Variants in CABIN1 observed in about 807,000 individuals in gnomAD.
The protein encoded by CABIN1 is calcineurin binding protein 1, also known as calcineurin-binding protein cabin-1.
In CABIN1, 133 loss-of-function variants were observed where a neutral mutation model predicts 227.7. The observed-to-expected ratio is 0.58, with a 90% CI of 0.51 to 0.67. The LOEUF is 0.67. CABIN1 is among the 30% of genes least tolerant of loss of function. The pLI is 0.00. For synonymous variants in CABIN1, 1,086 were observed against 1,155.1 expected, an observed-to-expected ratio of 0.94 and a Z score of 1.21; for missense variants, 2,408 against 2,852.5, an observed-to-expected ratio of 0.84 and a Z score of 3.55.
chr22:24,166,615 T>G (rs372329237), intron 31 of CABIN1, 24 bp from the exon 32 acceptor site: 2 of 1,612,532 alleles, frequency 1.2e-6, no homozygotes, highest in African/African-American at 2.7e-5. Context: ...GCGACACAGC[T>G]TCTTACCTTT....
chr22:24,119,677 C>T lies in CABIN1; in HGVS notation c.4611C>T (p.Tyr1537=), dbSNP rs1034327711. The T allele has an allele frequency of 3.7e-6, 6 of 1,613,882 alleles. No individual in the cohort carries two copies. The African/African-American group carries it at 4.0e-5, about 11-fold the overall frequency. Residue 1537 remains tyrosine (Y), a synonymous_variant, in exon 28 of 37, where the codon TAC becomes TAT. Coordinates refer to ENST00000263119, the MANE Select transcript of CABIN1 (RefSeq NM_012295.4). ...GTCTCTACCGTCTGGCCTTCCTCTA[C>T]ACCTACAGCAAGACCCACCGGGTGA... ...YKSLYRLAFL[Y]TYSKTHRNLQ...
intron 24 of CABIN1, chr22:24,092,046 A>T: frequency 1.5e-6 from 1 of 655,422 alleles, no homozygotes; most frequent in Admixed American, 2.9e-5. Context: ...TTTCTGGGAG[A>T]GTGACCATTT....
At chr22:24,162,826 CTG>C (rs1261766641) in intron 29 of CABIN1, among the ~76,000 whole-genome samples, 2 of 152,232 alleles carry the variant, frequency 1.3e-5, no homozygotes, top group Non-Finnish European at 2.9e-5. Flanking sequence ...GGGATCCAAA[CTG>C]TGCTGGTGTG....
Position 24,078,213 on chromosome 22 carries a change from G to A in CABIN1, c.2748+1929G>A, listed in dbSNP as rs539067984. 3.9e-5 allele frequency among the ~76,000 whole-genome samples: 6 copies of A among 152,180 alleles called. 1 individual carries two copies. The East Asian group carries it at 5.8e-4, about 15-fold the overall frequency. ...TCATGTGCCCCTCCCCCACCAGCTAGCATCCCTGGGACCAGGGACCTTTTC... is the reference window on the plus strand; with the variant it reads ...TCATGTGCCCCTCCCCCACCAGCTAACATCCCTGGGACCAGGGACCTTTTC... On this transcript the variant is annotated intron_variant, in intron 19 of 36. Transcript: ENST00000263119.
At chr22:24,164,802 T>C (rs1316148816) in intron 30 of CABIN1, among the ~76,000 whole-genome samples, 1 of 152,100 alleles carries the variant, frequency 6.6e-6, no homozygotes, top group Non-Finnish European at 1.5e-5. Context: ...TGGTTCCACG[T>C]TGAGACTCTG....
intron 24 of CABIN1, among the ~76,000 whole-genome samples, chr22:24,092,693 T>TGG (rs1272782937): frequency 6.7e-6 from 1 of 148,912 alleles, no homozygotes; most frequent in East Asian, 2.0e-4. Flanking sequence ...TAAAAGTGTG[T>TGG]GTGTGTGTGT....
chr22:24,070,763 C>T (rs1377365762), intron 16 of CABIN1, 37 bp from the exon 17 acceptor site: 3 of 1,613,894 alleles, frequency 1.9e-6, no homozygotes, highest in South Asian at 2.2e-5. Flanking sequence ...ATGTGCTGAG[C>T]TCACCGTGCA....
chr22:24,036,072 CA>C lies in CABIN1; in HGVS notation c.4-14del, dbSNP rs2036860244. The stretch of plus-strand genomic sequence containing the variant: ...TCTCAAAGCAACTTGTCTCTTCCAC[CA>C]AACCCCTGTTTCTAGATTCGAATTG... On this transcript the variant is annotated splice_polypyrimidine_tract_variant and intron_variant, in intron 2 of 36. Coordinates refer to ENST00000263119, the MANE Select transcript of CABIN1 (RefSeq NM_012295.4). The C allele has an allele frequency of 1.3e-6, 2 of 1,591,532 alleles. No homozygotes were observed. The highest frequency in any genetic ancestry group is 1.7e-6 in the Non-Finnish European group (2 of 1,159,524).
At chr22:24,160,508 C>T (rs1257362300) in intron 29 of CABIN1, 4 of 152,322 alleles carry the variant, frequency 2.6e-5, no homozygotes, top group Non-Finnish European at 5.9e-5. Flanking sequence ...AGCAGTGACC[C>T]AGCAGCCAGC....
At chr22:24,038,010 TG>T (rs554851347) in intron 3 of CABIN1, among the ~76,000 whole-genome samples, 8 of 152,218 alleles carry the variant, frequency 5.3e-5, no homozygotes, top group Non-Finnish European at 1.2e-4. Flanking sequence ...TGGCAAGGTA[TG>T]GGGTGGATTC....
chr22:24,170,765 C>T (rs571409877), intron 33 of CABIN1, among the ~76,000 whole-genome samples: 1 of 149,810 alleles, frequency 6.7e-6, no homozygotes, highest in Admixed American at 6.6e-5. Context: ...CCCCCCCCCG[C>T]CCCCATGCAC....
chr22:24,071,265 G>T (rs1395349957), intron 17 of CABIN1: 2 of 602,218 alleles, frequency 3.3e-6, no homozygotes, highest in Non-Finnish European at 5.9e-6. Flanking sequence ...TGTAGCACTT[G>T]GTGCCATGGG....
intron 18 of CABIN1, among the ~76,000 whole-genome samples, chr22:24,074,926 C>G (rs1215830830): frequency 6.6e-6 from 1 of 152,224 alleles, no homozygotes; most frequent in African/African-American, 2.4e-5. Context: ...GGCATGGTGG[C>G]TCACTCCTGT....
At chr22:24,031,959 T>C (rs2036531680) in intron 1 of CABIN1, among the ~76,000 whole-genome samples, 3 of 152,230 alleles carry the variant, frequency 2.0e-5, no homozygotes. Context: ...ATTGATTGTT[T>C]ACTTCTGGAT....
intron 34 of CABIN1, among the ~76,000 whole-genome samples, chr22:24,174,779 G>A (rs182714267): frequency 4.6e-5 from 7 of 152,056 alleles, no homozygotes; most frequent in East Asian, 3.9e-4. Context: ...GAGTGTCCCC[G>A]GATCATGGTG....
rs963056741 is a variant in CABIN1, at chr22:24,097,941, C to G, written c.3939-73C>G. 7.5e-6 allele frequency: 12 copies of G among 1,591,400 alleles called. No homozygotes were observed. The East Asian group carries it at 2.5e-4, about 33-fold the overall frequency. The stretch of plus-strand genomic sequence containing the variant: ...CAGTGGGCCCTGGGAAGGGCATTCA[C>G]CCTTACCAGTACACATCTGTTTCAA... On this transcript the variant is annotated intron_variant, in intron 25 of 36. Coordinates refer to ENST00000263119, the MANE Select transcript of CABIN1 (RefSeq NM_012295.4).
Position 24,134,304 on chromosome 22 carries a change from C to T in CABIN1, c.4635C>T (p.Asn1545=), listed in dbSNP as rs2044258906. The change falls in exon 29 of 37, where the codon AAC becomes AAT. Residue 1545 remains asparagine, a splice_region_variant and synonymous_variant. Coordinates refer to ENST00000263119, the MANE Select transcript of CABIN1 (RefSeq NM_012295.4). ...FLYTYSKTHR[N]LQWARDVLLG... ...CAACCTACTTCTTGTTTCCCCAGAA[C>T]CTCCAGTGGGCCCGCGACGTGTTGC... 6.2e-7 allele frequency: 1 copy of T among 1,613,186 alleles called. No individual in the cohort carries two copies. Among genetic ancestry groups the T allele is most frequent in the Admixed American group, 1.7e-5 (1 of 59,970 alleles).
In CABIN1 at chr22:24,100,746, A is replaced by G. The variant is rs1011188171; in HGVS notation, c.4117+2554A>G. Among the ~76,000 whole-genome samples, 3 of 152,200 alleles carry G rather than the reference A, an allele frequency of 2.0e-5. No homozygotes were observed. In the East Asian group the frequency reaches 5.8e-4, roughly 29 times the overall value. ...CAAGTGCACAGCAGGCCCTGGTCAA[A>G]GGATCTGATTTCCAGTCCCAGCTCC... On this transcript the variant is annotated intron_variant, in intron 26 of 36. Transcript: ENST00000263119.
chr22:24,128,242 C>T lies in CABIN1; in HGVS notation c.4633-6060C>T, dbSNP rs1217014852. Among the ~76,000 whole-genome samples, 4 of 143,440 alleles carry T rather than the reference C, an allele frequency of 2.8e-5. No individual in the cohort carries two copies. In the East Asian group the frequency reaches 6.2e-4, roughly 22 times the overall value. The allele number at this position is 143,440 out of a possible 152,430, so 94.1% of individuals were successfully genotyped here. On this transcript the variant is annotated intron_variant, in intron 28 of 36. Transcript: ENST00000263119. ...TGTGGTTCTGCTTTTTTTTGCTTCT[C>T]GTGTACTCATAAACTCTTTGATTGC...
Sources: allele counts gnomAD v4.1 joint callset (sites outside exome capture counted in the v4.1 genomes callset), GRCh38; gene constraint gnomAD v4.1.1; transcripts MANE v1.5; gene names NCBI Gene and HGNC (gene_info 2026-07-23, HGNC 2026-07-21).